Variants in ITGB3BP observed in about 807,000 individuals in gnomAD.
The protein encoded by ITGB3BP is centromere protein R.
In ITGB3BP, 27 loss-of-function variants were observed where a neutral mutation model predicts 29.1. The ratio of observed to expected loss-of-function variants is 0.93; its 90% CI spans 0.68 to 1.28. The LOEUF is 1.28. ITGB3BP is among the 50% of genes most tolerant of loss of function. The pLI is 0.00. For missense variants in ITGB3BP, 192 were observed against 200.2 expected, an observed-to-expected ratio of 0.96 and a Z score of 0.25; for synonymous variants, 61 against 61.4, an observed-to-expected ratio of 0.99 and a Z score of 0.03.
Position 63,454,449 on chromosome 1 carries a change from C to T in ITGB3BP, c.358G>A (p.Glu120Lys). The stretch of plus-strand genomic sequence containing the variant: ...GCACAGGAGATTCCAATGAGATTTT[C>T]AAGCTCTCTACTGCCCTCCAAAGCC... ...IQALEGSREL[E>K]NLIGISCASH... The change falls in exon 6 of 9, where the codon GAA becomes AAA. Residue 120 changes from glutamate (E) to lysine (K), a missense_variant. By Grantham distance (56) the Glu-to-Lys change is moderately conservative (BLOSUM62 1). Coordinates refer to ENST00000271002, the MANE Select transcript of ITGB3BP (RefSeq NM_014288.5). The surrounding 1 kb of genome is among the most constrained non-coding windows in gnomAD (Gnocchi z 4.1). 6.3e-7 allele frequency: 1 copy of T among 1,599,216 alleles called. No homozygotes were observed. Among genetic ancestry groups the T allele is most frequent in the South Asian group, 1.1e-5 (1 of 89,732 alleles).
intron 2 of ITGB3BP, among the ~76,000 whole-genome samples, chr1:63,493,437 CAAA>C (rs1645710150): frequency 6.6e-6 from 1 of 151,686 alleles, no homozygotes; most frequent in Admixed American, 6.6e-5. Flanking sequence ...AACAAACAAA[CAAA>C]CAAACAAACA....
At chr1:63,519,909 C>G (rs2100831854) in intron 1 of ITGB3BP, among the ~76,000 whole-genome samples, 1 of 152,240 alleles carries the variant, frequency 6.6e-6, no homozygotes, top group South Asian at 2.1e-4. Context: ...ATGGCCCCCA[C>G]TGTTACTGTT....
At chr1:63,510,303 C>T (rs1048636543) in intron 1 of ITGB3BP, 2 of 387,378 alleles carry the variant, frequency 5.2e-6, no homozygotes, top group African/African-American at 4.2e-5. Context: ...TAGAAGGAGA[C>T]ATATTCCATC....
intron 3 of ITGB3BP, among the ~76,000 whole-genome samples, chr1:63,482,821 T>C (rs184078671): frequency 6.6e-6 from 1 of 152,104 alleles, no homozygotes; most frequent in Admixed American, 6.5e-5. Flanking sequence ...GCCTGGCTAA[T>C]TTTTGTATTT....
At chr1:63,446,403 CA>C (rs1482221669) in intron 8 of ITGB3BP, among the ~76,000 whole-genome samples, 1 of 152,106 alleles carries the variant, frequency 6.6e-6, no homozygotes, top group Non-Finnish European at 1.5e-5. Context: ...AGCACATTTC[CA>C]AATTTAACAG....
At chr1:63,455,052 A>G in intron 4 of ITGB3BP, 84 bp from the exon 5 acceptor site, 1 of 684,952 alleles carries the variant, frequency 1.5e-6, no homozygotes. Flanking sequence ...ACTCTTTTTA[A>G]AGGACCTTAG....
chr1:63,468,449 T>A (rs1284250623), intron 4 of ITGB3BP, among the ~76,000 whole-genome samples: 6 of 152,156 alleles, frequency 3.9e-5, no homozygotes, highest in Non-Finnish European at 1.5e-5. Flanking sequence ...AGTCTGCAGC[T>A]GGGCACGGTG....
intron 4 of ITGB3BP, among the ~76,000 whole-genome samples, chr1:63,460,279 T>C (rs1242232958): frequency 2.6e-5 from 4 of 152,182 alleles, no homozygotes; most frequent in Admixed American, 2.0e-4. Context: ...AGAAACTGTA[T>C]AACCATTAAG....
At chr1:63,506,834 C>T (rs1364030413) in intron 2 of ITGB3BP, among the ~76,000 whole-genome samples, 1 of 152,158 alleles carries the variant, frequency 6.6e-6, no homozygotes, top group Non-Finnish European at 1.5e-5. Context: ...ACTACTAGTT[C>T]CAATATAGCT....
intron 4 of ITGB3BP, among the ~76,000 whole-genome samples, chr1:63,464,818 A>G (rs1051819998): frequency 1.3e-5 from 2 of 152,216 alleles, no homozygotes; most frequent in Non-Finnish European, 2.9e-5. Context: ...CCCAAAATAC[A>G]TAACATGAAT....
chr1:63,474,702 G>C (rs1340169829), intron 4 of ITGB3BP, among the ~76,000 whole-genome samples: 17 of 151,664 alleles, frequency 1.1e-4, no homozygotes, highest in South Asian at 4.2e-4. Flanking sequence ...CAGCATGCTC[G>C]TTAAGAGTCA....
chr1:63,454,080 C>G lies in ITGB3BP; in HGVS notation c.428-106G>C. ...GAGAAAAAAATAATTCAAAATAATA[C>G]ATATTTATAAGTACCAAATATAAAA... is the stretch of plus-strand genomic sequence containing the variant. On this transcript the variant is annotated intron_variant, in intron 6 of 8. Coordinates refer to ENST00000271002, the MANE Select transcript of ITGB3BP (RefSeq NM_014288.5). The surrounding 1 kb of genome is among the most constrained non-coding windows in gnomAD (Gnocchi z 4.1). 1 of 605,182 alleles carries G rather than the reference C, an allele frequency of 1.7e-6. No homozygotes were observed. The highest frequency in any genetic ancestry group is 2.9e-5 in the East Asian group (1 of 34,166). The allele number at this position is 605,182 out of a possible 1,614,324, so 37.5% of individuals were successfully genotyped here. A position where few individuals can be genotyped will look rare whatever the true frequency, so the allele number is the denominator to read the frequency against.
At chr1:63,504,707 A>C (rs1442292609) in intron 2 of ITGB3BP, among the ~76,000 whole-genome samples, 1 of 152,156 alleles carries the variant, frequency 6.6e-6, no homozygotes, top group Non-Finnish European at 1.5e-5. Context: ...ATTTATTGAG[A>C]GTTTTTAGCA....
intron 7 of ITGB3BP, among the ~76,000 whole-genome samples, chr1:63,448,108 T>C (rs1344621249): frequency 7.1e-6 from 1 of 140,882 alleles, no homozygotes; most frequent in Non-Finnish European, 1.5e-5. Flanking sequence ...ATGTTCTCAC[T>C]CATAGGTGGG....
At chr1:63,495,840 C>T (rs977302394) in intron 2 of ITGB3BP, among the ~76,000 whole-genome samples, 2 of 152,080 alleles carry the variant, frequency 1.3e-5, no homozygotes, top group African/African-American at 4.8e-5. Flanking sequence ...ATTTCCTATA[C>T]CAGAATGAAA....
intron 3 of ITGB3BP, among the ~76,000 whole-genome samples, 185 bp downstream of exon 3, chr1:63,489,898 C>T (rs1645609730): frequency 6.6e-6 from 1 of 152,042 alleles, no homozygotes; most frequent in Admixed American, 6.6e-5. Flanking sequence ...CCTGCAGTTG[C>T]ATTTTAAAAT....
intron 4 of ITGB3BP, among the ~76,000 whole-genome samples, chr1:63,459,586 C>T (rs1389404621): frequency 2.0e-5 from 3 of 151,974 alleles, no homozygotes; most frequent in African/African-American, 7.2e-5. Context: ...TTAATGCTTT[C>T]TTAGTTTAAG....
chr1:63,443,483 A>C (rs138298708), intron 8 of ITGB3BP, among the ~76,000 whole-genome samples: 1 of 152,318 alleles, frequency 6.6e-6, no homozygotes, highest in East Asian at 1.9e-4. Flanking sequence ...ATCTGGAATG[A>C]ATAAGGCACA....
At chr1:63,482,937 G>A (rs1645466260) in intron 3 of ITGB3BP, among the ~76,000 whole-genome samples, 2 of 152,196 alleles carry the variant, frequency 1.3e-5, no homozygotes, top group East Asian at 1.9e-4. Flanking sequence ...TTACAGGCAT[G>A]AGCCACTGCG....
Sources: allele counts gnomAD v4.1 joint callset (sites outside exome capture counted in the v4.1 genomes callset), GRCh38; gene constraint gnomAD v4.1.1; non-coding constraint Gnocchi (gnomAD v3.1); transcripts MANE v1.5; gene names NCBI Gene and HGNC (gene_info 2026-07-23, HGNC 2026-07-21).